The following SUSD5 variants were observed in gnomAD, a reference collection of about 807,000 sequenced individuals.
SUSD5 encodes the protein sushi domain-containing protein 5.
Under a neutral mutation model 29.5 loss-of-function variants are expected in SUSD5, and 33 were observed. That is an observed-to-expected ratio of 1.12 (90% CI 0.85 to 1.49). The LOEUF is 1.49. Ranked by LOEUF, SUSD5 falls within the 40% of genes most tolerant of loss-of-function variation. The pLI, the probability that SUSD5 is intolerant of heterozygous loss-of-function variation, is 0.00. For missense variants in SUSD5, 776 were observed against 800.6 expected, an observed-to-expected ratio of 0.97 and a Z score of 0.37; for synonymous variants, 308 against 325.3, an observed-to-expected ratio of 0.95 and a Z score of 0.57.
chr3:33,192,418 G>T (rs946131137), intron 3 of SUSD5, among the ~76,000 whole-genome samples: 3 of 151,846 alleles, frequency 2.0e-5, no homozygotes, highest in Non-Finnish European at 4.4e-5. Context: ...TAATTGGCAA[G>T]AGAGTTGAAT....
intron 3 of SUSD5, among the ~76,000 whole-genome samples, chr3:33,199,921 T>G (rs2032077648): frequency 6.6e-6 from 1 of 152,162 alleles, no homozygotes; most frequent in South Asian, 2.1e-4. Flanking sequence ...TATAAAAGGG[T>G]GAGTTCGGTT....
At chr3:33,215,768 G>A (rs1411811216) in intron 1 of SUSD5, among the ~76,000 whole-genome samples, 1 of 152,156 alleles carries the variant, frequency 6.6e-6, no homozygotes, top group African/African-American at 2.4e-5. Context: ...AATAAACTGT[G>A]TTCAAAGAAG....
In SUSD5 at chr3:33,174,973, G is replaced by A. The variant is rs1474221376; in HGVS notation, c.511C>T (p.His171Tyr). The A allele has an allele frequency of 6.2e-7, 1 of 1,613,892 alleles. No homozygotes were observed. The highest frequency in any genetic ancestry group is 8.5e-7 in the Non-Finnish European group (1 of 1,179,914). Residue 171 changes from histidine to tyrosine, a missense_variant, in exon 4 of 5, where the codon CAC becomes TAC. Physicochemically the swap from His to Tyr is moderately conservative, Grantham distance 83 (BLOSUM62 2). Transcript: ENST00000309558. ...GCGGTCTCCCGGTGGCCCATGATGT[G>A]GCCTGGGGCACACACGTACAGCAGT... is the stretch of plus-strand genomic sequence containing the variant. ...DELLYVCAPGHIMGHRETAFT... is the reference protein window; with the variant it reads ...DELLYVCAPGYIMGHRETAFT...
intron 3 of SUSD5, among the ~76,000 whole-genome samples, chr3:33,181,354 C>CT (rs61087865): frequency 0.043 from 5,144 of 120,428 alleles, 120 homozygotes; most frequent in Non-Finnish European, 0.062. Flanking sequence ...TCATTTTCAT[C>CT]TTTTTTTTTT....
In SUSD5 at chr3:33,150,378, CTG is replaced by C. The variant is rs900401356; in HGVS notation, c.*2362_*2363del. On this transcript the variant is annotated 3_prime_UTR_variant, in exon 5 of 5. Transcript: ENST00000309558. ...AATTTGTAATAAATTTATTAATACA[CTG>C]TATTAATATTGCCTATTTGTTGGTA... 20 of 152,040 alleles carry C rather than the reference CTG, an allele frequency of 1.3e-4. No homozygotes were observed. The highest frequency in any genetic ancestry group is 1.8e-4 in the Non-Finnish European group (12 of 68,012). 9.4% of individuals were successfully genotyped at this position (152,040 alleles called of 1,614,324 possible).
Position 33,153,317 on chromosome 3 carries a change from A to G in SUSD5, c.1315T>C (p.Ser439Pro), listed in dbSNP as rs1423912866. The change falls in exon 5 of 5, where the codon TCT (serine) becomes CCT (proline). Residue 439 changes from serine to proline, a missense_variant. Coordinates refer to ENST00000309558, the MANE Select transcript of SUSD5 (RefSeq NM_015551.2). Reference sequence around the variant, plus strand: ...AAAGCTTCCACATCTAGCATTTGAGATGGAAGAACTGAACTATGGGTCATG... The same window carrying G: ...AAAGCTTCCACATCTAGCATTTGAGGTGGAAGAACTGAACTATGGGTCATG... ...EGMTHSSVLPSQMLDVEALAL... is the reference protein window; with the variant it reads ...EGMTHSSVLPPQMLDVEALAL... The G allele has an allele frequency of 6.2e-7, 1 of 1,613,862 alleles. No individual in the cohort carries two copies. Among genetic ancestry groups the G allele is most frequent in the South Asian group, 1.1e-5 (1 of 91,066 alleles).
rs779706186 is a variant in SUSD5 at position 33,214,036 on chromosome 3, C to T, written c.182G>A (p.Cys61Tyr). Residue 61 changes from cysteine to tyrosine, a missense_variant, in exon 2 of 5, where the codon TGC (cysteine) becomes TAC (tyrosine). Physicochemically the swap from Cys to Tyr is radical, Grantham distance 194 (BLOSUM62 -2). Transcript: ENST00000309558. ...GLQLEAARLS[C>Y]KSRGAHLASA... ...TGCCAGGTGAGCGCCCCTGCTCTTGCAGGAAAGCCGAGCAGCCTCCAGTTG... is the reference window on the plus strand; with the variant it reads ...TGCCAGGTGAGCGCCCCTGCTCTTGTAGGAAAGCCGAGCAGCCTCCAGTTG... 5 of 1,613,638 alleles carry T rather than the reference C, an allele frequency of 3.1e-6. No homozygotes were observed. Among genetic ancestry groups the T allele is most frequent in the Non-Finnish European group, 4.2e-6 (5 of 1,179,740 alleles).
chr3:33,160,716 G>A (rs2031168442), intron 4 of SUSD5, among the ~76,000 whole-genome samples: 1 of 152,084 alleles, frequency 6.6e-6, no homozygotes, highest in South Asian at 2.1e-4. Flanking sequence ...TCAAATTCAG[G>A]ACCAATGTAG....
rs2030924276 is a variant in SUSD5, at chr3:33,152,501, G to A, written c.*241C>T. The A allele has an allele frequency of 1.9e-6, 1 of 522,800 alleles. No individual in the cohort carries two copies. The highest frequency in any genetic ancestry group is 1.9e-5 in the African/African-American group (1 of 52,516). The allele number at this position is 522,800 out of a possible 1,614,324, so 32.4% of individuals were successfully genotyped here. A position where few individuals can be genotyped will look rare whatever the true frequency, so the allele number is the denominator to read the frequency against. ...GAAACAGGGCCCAAGCACAGGTCTG[G>A]GATTAGTGTAGTCAATTCCAGGGCA... On this transcript the variant is annotated 3_prime_UTR_variant, in exon 5 of 5. Coordinates refer to ENST00000309558, the MANE Select transcript of SUSD5 (RefSeq NM_015551.2).
chr3:33,199,094 TA>T (rs2032051695), intron 3 of SUSD5, among the ~76,000 whole-genome samples: 1 of 152,078 alleles, frequency 6.6e-6, no homozygotes, highest in African/African-American at 2.4e-5. Flanking sequence ...TGCGCACTAC[TA>T]AAAAAATCAA....
At position 33,202,058 on chromosome 3, in the gene SUSD5, A is replaced by ATCTG. The variant is rs1553622590; in HGVS notation, c.409+5746_409+5749dup. On this transcript the variant is annotated intron_variant, in intron 3 of 4. Transcript: ENST00000309558. ...TATCTATCTATCTATCTATCTATCTATCTGTCTATCTATCTATCTATCATC... is the reference window on the plus strand; with the variant it reads ...TATCTATCTATCTATCTATCTATCTATCTGTCTGTCTATCTATCTATCTATCATC... 5.6e-3 allele frequency among the ~76,000 whole-genome samples: 617 copies of ATCTG among 109,574 alleles called. 6 individuals carry two copies. The highest frequency in any genetic ancestry group is 0.018 in the African/African-American group (409 of 22,386). The allele number at this position is 109,574 out of a possible 152,430, so 71.9% of individuals were successfully genotyped here. A position where few individuals can be genotyped will look rare whatever the true frequency, so the allele number is the denominator to read the frequency against.
rs1464446991 is a variant in SUSD5, at chr3:33,204,478, ACCCGG to A, written c.409+3325_409+3329del. Among the ~76,000 whole-genome samples the A allele has an allele frequency of 1.7e-3, 261 of 151,572 alleles. 2 individuals are homozygous for A. The highest frequency in any genetic ancestry group is 6.0e-3 in the African/African-American group (247 of 41,294). On this transcript the variant is annotated intron_variant, in intron 3 of 4. Coordinates refer to ENST00000309558, the MANE Select transcript of SUSD5 (RefSeq NM_015551.2). The surrounding 1 kb of genome is among the most constrained non-coding windows in gnomAD (Gnocchi z 4.5). ...TGGGACGACAGGTGCCCACTACCACACCCGGCTAATTTTTTTGTATTTTTAGTAGA... is the reference window on the plus strand; with the variant it reads ...TGGGACGACAGGTGCCCACTACCACACTAATTTTTTTGTATTTTTAGTAGA...
intron 2 of SUSD5, among the ~76,000 whole-genome samples, chr3:33,213,509 C>G (rs895717100): frequency 6.6e-6 from 1 of 152,208 alleles, no homozygotes; most frequent in African/African-American, 2.4e-5. Flanking sequence ...TGAACACACA[C>G]CAGGCGTGGT....
intron 1 of SUSD5, among the ~76,000 whole-genome samples, chr3:33,216,079 G>A (rs895048687): frequency 1.3e-5 from 2 of 151,778 alleles, no homozygotes; most frequent in African/African-American, 2.4e-5. Flanking sequence ...ATAATAAAAC[G>A]GATAAACCCC....
intron 1 of SUSD5, among the ~76,000 whole-genome samples, chr3:33,215,086 T>C (rs1187549333): frequency 6.6e-6 from 1 of 151,766 alleles, no homozygotes; most frequent in Non-Finnish European, 1.5e-5. Context: ...GAACCAAAAG[T>C]TATAATAAAA....
chr3:33,153,256 C>T lies in SUSD5; in HGVS notation c.1376G>A (p.Gly459Asp). Residue 459 changes from glycine to aspartate, a missense_variant, in exon 5 of 5, where the codon GGC becomes GAC. By Grantham distance (94) the Gly-to-Asp change is moderately conservative. Coordinates refer to ENST00000309558, the MANE Select transcript of SUSD5 (RefSeq NM_015551.2). Reference sequence around the variant, plus strand: ...CTTCGTCAAGTCACCATCCCCAATGCCCTCAGTCTCGGAAGCATTCACGGG... The same window carrying T: ...CTTCGTCAAGTCACCATCCCCAATGTCCTCAGTCTCGGAAGCATTCACGGG... ...LRPVNASETE[G>D]IGDGDLTKYQ... 6.2e-7 allele frequency: 1 copy of T among 1,613,888 alleles called. No individual in the cohort carries two copies. The highest frequency in any genetic ancestry group is 8.5e-7 in the Non-Finnish European group (1 of 1,179,878).
At chr3:33,196,447 C>T (rs554360909) in intron 3 of SUSD5, among the ~76,000 whole-genome samples, 66 of 152,298 alleles carry the variant, frequency 4.3e-4, no homozygotes, top group African/African-American at 1.6e-3. Flanking sequence ...TGGTGATTTG[C>T]TGGAAGGTTC....
intron 4 of SUSD5, among the ~76,000 whole-genome samples, chr3:33,158,163 G>T (rs1165167680): frequency 6.6e-6 from 1 of 152,206 alleles, no homozygotes; most frequent in Non-Finnish European, 1.5e-5. Context: ...AAACTGTTCA[G>T]CACTGGGATC....
intron 3 of SUSD5, among the ~76,000 whole-genome samples, chr3:33,184,023 C>A (rs1392344546): frequency 6.8e-6 from 1 of 147,436 alleles, no homozygotes; most frequent in Non-Finnish European, 1.5e-5. Context: ...CTGCAACCTC[C>A]ACCTCCTGGG....
Sources: allele counts gnomAD v4.1 joint callset (sites outside exome capture counted in the v4.1 genomes callset), GRCh38; gene constraint gnomAD v4.1.1; non-coding constraint Gnocchi (gnomAD v3.1); transcripts MANE v1.5; gene names NCBI Gene and HGNC (gene_info 2026-07-23, HGNC 2026-07-21).